UBE3D: variants seen among roughly 807,000 people sequenced by gnomAD.
UBE3D encodes the protein E3 ubiquitin-protein ligase E3D.
UBE3D carries 48 observed loss-of-function variants against 49.6 expected under a neutral mutation model. The ratio of observed to expected loss-of-function variants is 0.97; its 90% confidence interval spans 0.77 to 1.23. The LOEUF is 1.23. Among genes scored for constraint, UBE3D ranks in the 50% most tolerant of loss-of-function variants. The pLI is 0.00. For missense variants in UBE3D, 452 were observed against 468.4 expected (o/e 0.96, Z 0.32); for synonymous variants, 189 against 174.2 (o/e 1.08, Z -0.67).
intron 9 of UBE3D, among the ~76,000 whole-genome samples, chr6:82,927,258 T>G (rs1164207323): frequency 6.6e-6 from 1 of 151,718 alleles, no homozygotes; most frequent in Non-Finnish European, 1.5e-5. Context: ...TGGTGATTAC[T>G]GTAGCTTTAT....
chr6:83,022,352 T>C (rs1781159752), intron 7 of UBE3D, 101 bp downstream of exon 7: 5 of 799,544 alleles, frequency 6.3e-6, no homozygotes, highest in South Asian at 2.3e-5. Flanking sequence ...TAATCACTTA[T>C]TTTCCACACC....
chr6:82,886,731 A>T, the UBE3D span, among the ~76,000 whole-genome samples: 145 of 152,324 alleles, frequency 9.5e-4, 1 homozygote, highest in African/African-American at 3.2e-3. Flanking sequence ...ATTAGAAATT[A>T]AAAAAAGTTT....
intron 8 of UBE3D, among the ~76,000 whole-genome samples, chr6:82,973,537 C>T (rs572494931): frequency 6.2e-4 from 92 of 149,554 alleles, no homozygotes; most frequent in African/African-American, 2.2e-3. Flanking sequence ...CTTCCGAAGG[C>T]CACTATTTTT....
intron 9 of UBE3D, among the ~76,000 whole-genome samples, chr6:82,953,166 G>A (rs1218485659): frequency 6.6e-6 from 1 of 152,200 alleles, no homozygotes; most frequent in African/African-American, 2.4e-5. Context: ...ACGTCAACAG[G>A]CTGCAACTTG....
chr6:83,045,971 T>C (rs1229341394), intron 3 of UBE3D, among the ~76,000 whole-genome samples: 1 of 152,198 alleles, frequency 6.6e-6, no homozygotes, highest in Non-Finnish European at 1.5e-5. Flanking sequence ...CAGAATATTC[T>C]TCAATCTGAG....
At chr6:82,942,722 C>G (rs570252816) in intron 9 of UBE3D, among the ~76,000 whole-genome samples, 1 of 152,332 alleles carries the variant, frequency 6.6e-6, no homozygotes, top group South Asian at 2.1e-4. Flanking sequence ...GTTTGGGAAG[C>G]TCCACCTAGA....
chr6:83,027,272 C>T (rs1781529460), intron 5 of UBE3D, among the ~76,000 whole-genome samples: 1 of 151,366 alleles, frequency 6.6e-6, no homozygotes, highest in South Asian at 2.1e-4. Flanking sequence ...CCCATCTCTA[C>T]TAAAAATACA....
chr6:83,052,014 C>T (rs1202915907), intron 3 of UBE3D, among the ~76,000 whole-genome samples: 1 of 152,174 alleles, frequency 6.6e-6, no homozygotes, highest in Non-Finnish European at 1.5e-5. Context: ...GTGCCTGATG[C>T]TGAGGAGGAT....
intron 9 of UBE3D, among the ~76,000 whole-genome samples, chr6:82,913,821 T>C (rs1382093518): frequency 6.6e-6 from 1 of 152,190 alleles, no homozygotes; most frequent in Non-Finnish European, 1.5e-5. Context: ...TATAAGTATG[T>C]CAATATTGAC....
chr6:82,985,353 TTTG>T (rs1778403940), intron 8 of UBE3D, among the ~76,000 whole-genome samples: 1 of 151,248 alleles, frequency 6.6e-6, no homozygotes, highest in Non-Finnish European at 1.5e-5. Context: ...GTTTTGTTTT[TTTG>T]TTTTGTTTTG....
intron 1 of UBE3D, among the ~76,000 whole-genome samples, chr6:83,060,109 G>C (rs1412747723): frequency 1.3e-5 from 2 of 152,146 alleles, no homozygotes; most frequent in East Asian, 1.9e-4. Context: ...ACCTCCCAAA[G>C]CCCCATCTCC....
At chr6:83,041,035 A>C (rs546413188) in intron 4 of UBE3D, among the ~76,000 whole-genome samples, 144 of 152,366 alleles carry the variant, frequency 9.5e-4, no homozygotes, top group African/African-American at 3.2e-3. Context: ...AGTTGATATT[A>C]AAAATATTTT....
intron 9 of UBE3D, among the ~76,000 whole-genome samples, chr6:82,920,866 T>C (rs1278247273): frequency 1.3e-5 from 2 of 151,922 alleles, no homozygotes; most frequent in Non-Finnish European, 2.9e-5. Context: ...GAAGAAAAGA[T>C]TTAACGCCCA....
intron 8 of UBE3D, among the ~76,000 whole-genome samples, chr6:82,976,775 G>A (rs1342380589): frequency 6.6e-6 from 1 of 152,088 alleles, no homozygotes; most frequent in East Asian, 1.9e-4. Flanking sequence ...TCTTCTAAGT[G>A]AAATATTATT....
intron 7 of UBE3D, 103 bp from the exon 8 acceptor site, chr6:83,019,239 AATAAAT>A (rs1220943857): frequency 7.4e-6 from 8 of 1,077,608 alleles, no homozygotes; most frequent in Non-Finnish European, 8.8e-6. Context: ...TACCAGAAAA[AATAAAT>A]ATGAGAATCA....
intron 9 of UBE3D, among the ~76,000 whole-genome samples, chr6:82,894,607 C>T (rs540782034): frequency 6.6e-6 from 1 of 152,192 alleles, no homozygotes; most frequent in South Asian, 2.1e-4. Context: ...TTAACCCTCA[C>T]CTTCCCTTCA....
chr6:82,884,858 A>G, the UBE3D span, among the ~76,000 whole-genome samples: 2 of 152,172 alleles, frequency 1.3e-5, no homozygotes, highest in African/African-American at 4.8e-5. Context: ...ACTGAACAAA[A>G]AGATTCCCGG....
At chr6:83,057,224 C>T (rs1470462680) in intron 2 of UBE3D, among the ~76,000 whole-genome samples, 1 of 152,176 alleles carries the variant, frequency 6.6e-6, no homozygotes, top group African/African-American at 2.4e-5. Context: ...CTCAGAGTGG[C>T]CTTCACTGAT....
chr6:83,058,067 A>G, intron 1 of UBE3D, 45 bp from the exon 2 acceptor site: 1 of 1,595,092 alleles, frequency 6.3e-7, no homozygotes, highest in Non-Finnish European at 8.6e-7. Flanking sequence ...TCTCACAATG[A>G]AAACCACATG....
Sources: allele counts gnomAD v4.1 joint callset (sites outside exome capture counted in the v4.1 genomes callset), GRCh38; gene constraint gnomAD v4.1.1; transcripts MANE v1.5; gene names NCBI Gene and HGNC (gene_info 2026-07-23, HGNC 2026-07-21).